The following TSTD2 variants were observed in gnomAD, a reference collection of about 807,000 sequenced individuals.
The protein encoded by TSTD2 is thiosulfate sulfurtransferase/rhodanese-like domain-containing protein 2.
Under a neutral mutation model 47.9 loss-of-function variants are expected in TSTD2, and 37 were observed. The ratio of observed to expected loss-of-function variants is 0.77; its 90% CI spans 0.59 to 1.02. The LOEUF is 1.02. TSTD2 is among the 50% of genes least tolerant of loss of function. TSTD2 has a pLI of 0.00. For missense variants in TSTD2, 586 were observed against 616.0 expected (o/e 0.95, Z 0.52); for synonymous variants, 201 against 215.9 (o/e 0.93, Z 0.61).
In TSTD2 at chr9:97,602,579, A is replaced by G; in HGVS notation, c.1441T>C (p.Cys481Arg). 1 of 1,614,092 alleles carries G rather than the reference A, an allele frequency of 6.2e-7. No homozygotes were observed. Among genetic ancestry groups the G allele is most frequent in the Admixed American group, 1.7e-5 (1 of 60,024 alleles). ...MQDSFKEECE[C>R]TARRPRIPRE... is the part of the protein sequence containing the mutation. The stretch of plus-strand genomic sequence containing the variant: ...GGTATGCGTGGCCGTCGGGCTGTGC[A>G]CTCGCATTCCTCTTTAAAGCTGTCT... Residue 481 changes from cysteine to arginine, a missense_variant, in exon 10 of 10, where the codon TGC (cysteine) becomes CGC (arginine). Transcript: ENST00000341170.
At chr9:97,602,998 A>G in intron 9 of TSTD2, 1 of 444,860 alleles carries the variant, frequency 2.2e-6, no homozygotes. Context: ...GTATTTACTG[A>G]CTTTTTTTTT....
chr9:97,617,339 T>C (rs1166427903), intron 4 of TSTD2, among the ~76,000 whole-genome samples: 1 of 152,242 alleles, frequency 6.6e-6, no homozygotes, highest in African/African-American at 2.4e-5. Flanking sequence ...CTCTATGTTC[T>C]ATAAAATGTT....
intron 1 of TSTD2, among the ~76,000 whole-genome samples, chr9:97,629,425 G>C (rs904929188): frequency 2.0e-5 from 3 of 152,216 alleles, no homozygotes; most frequent in Non-Finnish European, 4.4e-5. Flanking sequence ...ATTTGAATCA[G>C]CTAAGTGGTG....
chr9:97,617,961 T>G (rs1210952190), intron 3 of TSTD2, 84 bp from the exon 4 acceptor site: 17 of 1,525,634 alleles, frequency 1.1e-5, no homozygotes, highest in Non-Finnish European at 1.5e-5. Context: ...CCAGGCAGTC[T>G]GAGGGAAGGC....
intron 4 of TSTD2, among the ~76,000 whole-genome samples, chr9:97,613,898 G>A (rs1042615346): frequency 8.1e-5 from 12 of 147,878 alleles, no homozygotes; most frequent in Admixed American, 1.4e-4. Context: ...GTGCAATCTC[G>A]GCTCACTGCA....
At chr9:97,618,562 C>T (rs988421688) in intron 3 of TSTD2, among the ~76,000 whole-genome samples, 1 of 152,184 alleles carries the variant, frequency 6.6e-6, no homozygotes, top group Non-Finnish European at 1.5e-5. Context: ...TTTGGAAACC[C>T]TGCAGACAGC....
intron 2 of TSTD2, among the ~76,000 whole-genome samples, chr9:97,626,221 C>G (rs1286976830): frequency 6.9e-6 from 1 of 145,306 alleles, no homozygotes; most frequent in African/African-American, 2.9e-5. Context: ...GGTTAAATAA[C>G]TCTCAGCATC....
rs757126793 is a variant in TSTD2 at position 97,610,388 on chromosome 9, G to A, written c.793C>T (p.Pro265Ser). 3 of 1,601,576 alleles carry A rather than the reference G, an allele frequency of 1.9e-6. No homozygotes were observed. In the Admixed American group the frequency reaches 5.2e-5, roughly 28 times the overall value. Residue 265 changes from proline (P) to serine (S), a missense_variant, in exon 6 of 10, where the codon CCC (proline) becomes TCC (serine). Pro to Ser is a moderately conservative substitution (Grantham distance 74, BLOSUM62 -1). Coordinates refer to ENST00000341170, the MANE Select transcript of TSTD2 (RefSeq NM_139246.5). ...LRVGVFEEIV[P>S]MGISPKKISY... ...ATCTTTTTGGGGCTGATCCCCATGGGCACGATTTCTTCAAATACACCAACA... is the reference window on the plus strand; with the variant it reads ...ATCTTTTTGGGGCTGATCCCCATGGACACGATTTCTTCAAATACACCAACA...
chr9:97,627,334 G>A (rs528011332), intron 2 of TSTD2, 64 bp downstream of exon 2: 12 of 1,497,862 alleles, frequency 8.0e-6, no homozygotes, highest in African/African-American at 4.2e-5. Context: ...CTTGATAACC[G>A]ACTTCCAAAT....
intron 3 of TSTD2, among the ~76,000 whole-genome samples, chr9:97,622,594 G>C (rs145415581): frequency 6.6e-6 from 1 of 152,234 alleles, no homozygotes; most frequent in African/African-American, 2.4e-5. Context: ...ACCGTGTGCC[G>C]AAAAGATGCA....
At chr9:97,611,447 A>C (rs929681092) in intron 5 of TSTD2, 127 bp downstream of exon 5, 12 of 1,176,086 alleles carry the variant, frequency 1.0e-5, no homozygotes, top group East Asian at 5.3e-5. Flanking sequence ...CCCAAGCCCC[A>C]AAAAATAAAG....
intron 9 of TSTD2, among the ~76,000 whole-genome samples, chr9:97,603,325 T>C (rs775199436): frequency 5.3e-4 from 81 of 152,234 alleles, no homozygotes; most frequent in Non-Finnish European, 9.4e-4. Flanking sequence ...CCTGTTACTA[T>C]TGATAACATC....
At position 97,600,983 on chromosome 9, in the gene TSTD2, A is replaced by G. The variant is rs1463329601; in HGVS notation, c.*1486T>C. ...AATCTCATGATAAAGGACAAGGTCA[A>G]GAACTCCAGAGCACTGAGCAGAGAG... On this transcript the variant is annotated 3_prime_UTR_variant, in exon 10 of 10. Transcript: ENST00000341170. The G allele has an allele frequency of 2.5e-6, 3 of 1,210,558 alleles. No individual in the cohort carries two copies. The highest frequency in any genetic ancestry group is 1.3e-4 in the East Asian group (2 of 15,080). The allele number at this position is 1,210,558 out of a possible 1,614,324, so 75.0% of individuals were successfully genotyped here.
At position 97,610,384 on chromosome 9, in the gene TSTD2, A is replaced by AT; in HGVS notation, c.796dup (p.Met266AsnfsTer21). ...GGAGATCTTTTTGGGGCTGATCCCC[A>AT]TGGGCACGATTTCTTCAAATACACC... On this transcript the variant is annotated frameshift_variant, in exon 6 of 10. Coordinates refer to ENST00000341170, the MANE Select transcript of TSTD2 (RefSeq NM_139246.5). LOFTEE classifies it high-confidence loss of function. 6.2e-7 allele frequency: 1 copy of AT among 1,603,426 alleles called. No homozygotes were observed. Among genetic ancestry groups the AT allele is most frequent in the Non-Finnish European group, 8.5e-7 (1 of 1,175,834 alleles).
Position 97,625,950 on chromosome 9 carries a change from A to G in TSTD2, c.213T>C (p.Ser71=). 6.2e-7 allele frequency: 1 copy of G among 1,613,174 alleles called. No homozygotes were observed. Among genetic ancestry groups the G allele is most frequent in the South Asian group, 1.1e-5 (1 of 90,916 alleles). ...TCCACAATTTTTCTTTACATTCAAA[A>G]CTCCTTTTTGTTGGAACTTCTTTGG... is the stretch of plus-strand genomic sequence containing the variant. ...VKTKEVPTKR[S]FECKEKLWKC... is the part of the protein sequence containing the mutation. Residue 71 remains serine, a synonymous_variant, in exon 3 of 10, where the codon AGT becomes AGC. Transcript: ENST00000341170.
At chr9:97,610,519 A>G in intron 5 of TSTD2, 68 bp from the exon 6 acceptor site, 3 of 1,175,002 alleles carry the variant, frequency 2.6e-6, no homozygotes, top group Non-Finnish European at 3.5e-6. Flanking sequence ...ACAAGTGCCA[A>G]TATAAGAATG....
At chr9:97,605,332 A>C in intron 8 of TSTD2, 151 bp downstream of exon 8, 1 of 863,174 alleles carries the variant, frequency 1.2e-6, no homozygotes, top group Non-Finnish European at 1.7e-6. Context: ...TGTACTTACG[A>C]ACTCCATGCT....
In TSTD2 at chr9:97,633,328, T is replaced by C. The variant is rs1254881274; in HGVS notation, c.-136A>G. 2 of 342,112 alleles carry C rather than the reference T, an allele frequency of 5.8e-6. No homozygotes were observed. Among genetic ancestry groups the C allele is most frequent in the Non-Finnish European group, 1.1e-5 (2 of 190,230 alleles). The allele number at this position is 342,112 out of a possible 1,614,324, so 21.2% of individuals were successfully genotyped here. On this transcript the variant is annotated 5_prime_UTR_variant, in exon 1 of 10. Coordinates refer to ENST00000341170, the MANE Select transcript of TSTD2 (RefSeq NM_139246.5). ...TCACTGCTCACCGCCCTCGAGCCTA[T>C]TCCCCCGCCGCGTATTTGGGTAGAA...
intron 5 of TSTD2, among the ~76,000 whole-genome samples, chr9:97,611,304 C>G (rs1232575556): frequency 1.3e-5 from 2 of 152,168 alleles, no homozygotes; most frequent in South Asian, 4.1e-4. Context: ...TGATGCACGC[C>G]TATGGTCCTA....
Sources: allele counts gnomAD v4.1 joint callset (sites outside exome capture counted in the v4.1 genomes callset), GRCh38; gene constraint gnomAD v4.1.1; transcripts MANE v1.5; gene names NCBI Gene and HGNC (gene_info 2026-07-23, HGNC 2026-07-21).